The following ZDHHC14 variants were observed in gnomAD, a reference collection of about 807,000 sequenced individuals.
ZDHHC14 encodes the protein zDHHC palmitoyltransferase 14, also known as palmitoyltransferase ZDHHC14.
ZDHHC14 carries 16 observed loss-of-function variants against 47.7 expected under a neutral mutation model. That is an observed-to-expected ratio of 0.34 (90% CI 0.23 to 0.51). The LOEUF is 0.51. Ranked by LOEUF, ZDHHC14 falls within the 20% of genes least tolerant of loss-of-function variation. The pLI, the probability that ZDHHC14 is intolerant of heterozygous loss-of-function variation, is 0.97. For missense variants in ZDHHC14, 515 were observed against 662.5 expected (o/e 0.78, Z 2.44); for synonymous variants, 293 against 278.9 (o/e 1.05, Z -0.50).
At chr6:157,531,494 A>AC (rs1165437209) in intron 1 of ZDHHC14, among the ~76,000 whole-genome samples, 2 of 145,872 alleles carry the variant, frequency 1.4e-5, no homozygotes, top group African/African-American at 2.5e-5. Context: ...CTTCACCAAC[A>AC]CCCCCCGCTC....
intron 1 of ZDHHC14, among the ~76,000 whole-genome samples, chr6:157,521,139 C>G (rs538662805): frequency 6.6e-6 from 1 of 152,134 alleles, no homozygotes; most frequent in African/African-American, 2.4e-5. Flanking sequence ...ACTGTCAGCC[C>G]CACTTCCTCA....
chr6:157,428,354 T>C (rs891203956), intron 1 of ZDHHC14, among the ~76,000 whole-genome samples: 3 of 152,194 alleles, frequency 2.0e-5, no homozygotes, highest in Non-Finnish European at 2.9e-5. Flanking sequence ...AGTGTTTTTC[T>C]AAACCAGTGA....
In ZDHHC14 at chr6:157,480,995, A is replaced by G. The variant is rs9347293; in HGVS notation, c.246-61590A>G. Among the ~76,000 whole-genome samples the G allele has an allele frequency of 2.6e-5, 4 of 152,346 alleles. No homozygotes were observed. In the East Asian group the frequency reaches 7.7e-4, roughly 29 times the overall value. Reference sequence around the variant, plus strand: ...TGTTACAAGAGCTAGAGAATCACCAAGTTGTCTAAGTAAGCTGAAACAGAT... The same window carrying G: ...TGTTACAAGAGCTAGAGAATCACCAGGTTGTCTAAGTAAGCTGAAACAGAT... On this transcript the variant is annotated intron_variant, in intron 1 of 8. Transcript: ENST00000359775.
At chr6:157,527,701 A>G (rs544254549) in intron 1 of ZDHHC14, among the ~76,000 whole-genome samples, 3 of 152,330 alleles carry the variant, frequency 2.0e-5, no homozygotes, top group South Asian at 4.1e-4. Flanking sequence ...AAGTTTCACA[A>G]GTGCTTTAAA....
chr6:157,637,369 G>C (rs1777037420), intron 5 of ZDHHC14, among the ~76,000 whole-genome samples: 1 of 152,202 alleles, frequency 6.6e-6, no homozygotes, highest in South Asian at 2.1e-4. Context: ...TTGTCAGTGT[G>C]GTGGGGGATT....
rs529672214 is a variant in ZDHHC14 at position 157,563,249 on chromosome 6, GC to G, written c.406+20506del. 9.2e-5 allele frequency among the ~76,000 whole-genome samples: 14 copies of G among 152,274 alleles called. No homozygotes were observed. The South Asian group carries it at 2.9e-3, about 32-fold the overall frequency. On this transcript the variant is annotated intron_variant, in intron 2 of 8. Coordinates refer to ENST00000359775, the MANE Select transcript of ZDHHC14 (RefSeq NM_024630.3). ...GCCTGCCCTCCCAGGAAACACCACGGCCACCGCTTAGCAATGCTTCCTGGAA... is the reference window on the plus strand; with the variant it reads ...GCCTGCCCTCCCAGGAAACACCACGGCACCGCTTAGCAATGCTTCCTGGAA...
At chr6:157,561,509 A>G (rs1004041809) in intron 2 of ZDHHC14, among the ~76,000 whole-genome samples, 12 of 152,184 alleles carry the variant, frequency 7.9e-5, no homozygotes, top group Admixed American at 3.9e-4. Flanking sequence ...ACGGGCGCGC[A>G]TGTGAGACCT....
chr6:157,429,851 A>G (rs1778301378), intron 1 of ZDHHC14, among the ~76,000 whole-genome samples: 1 of 152,196 alleles, frequency 6.6e-6, no homozygotes, highest in South Asian at 2.1e-4. Flanking sequence ...GCAAGAGACA[A>G]TGGAGGTAAC....
chr6:157,439,174 T>G (rs1778509414), intron 1 of ZDHHC14, among the ~76,000 whole-genome samples: 1 of 152,248 alleles, frequency 6.6e-6, no homozygotes, highest in Non-Finnish European at 1.5e-5. Flanking sequence ...ATTTCCGTTC[T>G]TCATTTTCAA....
intron 8 of ZDHHC14, among the ~76,000 whole-genome samples, chr6:157,666,276 A>T (rs1778552415): frequency 6.6e-6 from 1 of 152,198 alleles, no homozygotes; most frequent in South Asian, 2.1e-4. Flanking sequence ...TTAGAAAATC[A>T]TTTACTGTAT....
At chr6:157,404,446 C>A (rs1777704228) in intron 1 of ZDHHC14, among the ~76,000 whole-genome samples, 1 of 152,138 alleles carries the variant, frequency 6.6e-6, no homozygotes, top group Non-Finnish European at 1.5e-5. Flanking sequence ...GAAAATGACT[C>A]TTTTCTGAAA....
intron 1 of ZDHHC14, among the ~76,000 whole-genome samples, chr6:157,507,263 T>G (rs1780349303): frequency 6.7e-6 from 1 of 149,638 alleles, no homozygotes; most frequent in African/African-American, 2.5e-5. Context: ...TTTCCTTATA[T>G]AACATTTTAT....
chr6:157,571,149 C>G lies in ZDHHC14; in HGVS notation c.407-21839C>G, dbSNP rs185876100. Among the ~76,000 whole-genome samples the G allele has an allele frequency of 1.7e-3, 257 of 152,280 alleles. 1 individual carries two copies. The highest frequency in any genetic ancestry group is 5.8e-3 in the African/African-American group (240 of 41,544). On this transcript the variant is annotated intron_variant, in intron 2 of 8. Coordinates refer to ENST00000359775, the MANE Select transcript of ZDHHC14 (RefSeq NM_024630.3). Reference sequence around the variant, plus strand: ...AATCATTTTTGAACATTGATGTTTGCCACTCCGCATTCACGTTAAAGTTCA... The same window carrying G: ...AATCATTTTTGAACATTGATGTTTGGCACTCCGCATTCACGTTAAAGTTCA...
chr6:157,441,063 A>G (rs955225569), intron 1 of ZDHHC14, among the ~76,000 whole-genome samples: 19 of 152,244 alleles, frequency 1.2e-4, no homozygotes, highest in Admixed American at 8.5e-4. Flanking sequence ...CTAAGTTTCC[A>G]AGATTTCCTT....
rs553223811 is a variant in ZDHHC14 at position 157,647,239 on chromosome 6, T to G, written c.856-20T>G. On this transcript the variant is annotated intron_variant, in intron 6 of 8. Transcript: ENST00000359775. ...TGGTGTGGAAGATATTGCTTGTTAC[T>G]GACTTTCCTTTTCTTTCAGATTAAA... 7 of 1,583,796 alleles carry G rather than the reference T, an allele frequency of 4.4e-6. No individual in the cohort carries two copies. The South Asian group carries it at 7.8e-5, about 18-fold the overall frequency.
chr6:157,647,243 T>A lies in ZDHHC14; in HGVS notation c.856-16T>A. 1.3e-6 allele frequency: 2 copies of A among 1,592,266 alleles called. No individual in the cohort carries two copies. The highest frequency in any genetic ancestry group is 4.5e-5 in the East Asian group (2 of 44,788). On this transcript the variant is annotated splice_polypyrimidine_tract_variant and intron_variant, in intron 6 of 8. Transcript: ENST00000359775. ...GTGGAAGATATTGCTTGTTACTGAC[T>A]TTCCTTTTCTTTCAGATTAAAGGAT...
intron 2 of ZDHHC14, among the ~76,000 whole-genome samples, chr6:157,554,807 G>C (rs1782389217): frequency 6.6e-6 from 1 of 152,248 alleles, no homozygotes; most frequent in Non-Finnish European, 1.5e-5. Flanking sequence ...ACTCTGCAGA[G>C]AGAGATCTAT....
chr6:157,480,868 G>A (rs182663062), intron 1 of ZDHHC14, among the ~76,000 whole-genome samples: 295 of 151,228 alleles, frequency 2.0e-3, no homozygotes, highest in Admixed American at 3.4e-3. Context: ...TGCAACAAAA[G>A]GGGTATAAAT....
chr6:157,556,031 G>A (rs766827770), intron 2 of ZDHHC14, among the ~76,000 whole-genome samples: 15 of 152,238 alleles, frequency 9.9e-5, no homozygotes, highest in South Asian at 2.1e-4. Flanking sequence ...CGGAGGAGGC[G>A]GTACTGGGAT....
Sources: gnomAD v4.1 joint callset for allele counts (sites outside exome capture counted in the v4.1 genomes callset) on GRCh38, gnomAD v4.1.1 for gene constraint, MANE v1.5 for transcripts, NCBI Gene and HGNC (gene_info 2026-07-23, HGNC 2026-07-21) for gene names.